The following NELL1 variants were observed in gnomAD, a reference collection of about 807,000 sequenced individuals.
The protein encoded by NELL1 is neural EGFL like 1, also known as protein kinase C-binding protein NELL1.
NELL1 carries 76 observed loss-of-function variants against 107.4 expected under a neutral mutation model. That is an observed-to-expected ratio of 0.71 (90% CI 0.59 to 0.86). The LOEUF is 0.86. Ranked by LOEUF, NELL1 falls within the 40% of genes least tolerant of loss-of-function variation. The probability of loss-of-function intolerance (pLI) is 0.00; values close to 1 mark genes in which losing one functional copy is unlikely to be tolerated. For synonymous variants in NELL1, 353 were observed against 341.2 expected (o/e 1.03, Z -0.38); for missense variants, 1,024 against 1,005.5 (o/e 1.02, Z -0.25).
At chr11:20,964,159 C>T (rs188998407) in intron 12 of NELL1, among the ~76,000 whole-genome samples, 3 of 152,202 alleles carry the variant, frequency 2.0e-5, no homozygotes, top group Admixed American at 1.3e-4. Flanking sequence ...GGAATCTTGT[C>T]GGCTGAGGCT....
intron 13 of NELL1, among the ~76,000 whole-genome samples, chr11:21,226,453 TG>T (rs779320760): frequency 6.6e-6 from 1 of 152,238 alleles, no homozygotes; most frequent in Non-Finnish European, 1.5e-5. Flanking sequence ...ACCAGTTCTA[TG>T]ATCTTAGGAA....
In NELL1 at chr11:21,117,267, CAT is replaced by C. The variant is rs556886372; in HGVS notation, c.1426+3556_1426+3557del. The stretch of plus-strand genomic sequence containing the variant: ...CCTGATTTTAGTTCTCTGAGTAATA[CAT>C]ATTATTATCTGGAATTTTCTTATGT... On this transcript the variant is annotated intron_variant, in intron 13 of 19. Transcript: ENST00000357134. Among the ~76,000 whole-genome samples the C allele has an allele frequency of 2.9e-3, 437 of 152,058 alleles. 4 individuals carry two copies. The highest frequency in any genetic ancestry group is 3.1e-3 in the Non-Finnish European group (209 of 67,942).
intron 3 of NELL1, among the ~76,000 whole-genome samples, chr11:20,790,333 G>C (rs1857048942): frequency 6.6e-6 from 1 of 152,346 alleles, no homozygotes; most frequent in East Asian, 1.9e-4. Flanking sequence ...AGGTGGCAGA[G>C]GGCTGGTGTG....
At chr11:21,092,440 T>C (rs1165205748) in intron 12 of NELL1, among the ~76,000 whole-genome samples, 1 of 152,196 alleles carries the variant, frequency 6.6e-6, no homozygotes, top group African/African-American at 2.4e-5. Flanking sequence ...CATGAGGTTC[T>C]AGTGAGAATT....
At chr11:21,497,302 A>G (rs1381077676) in intron 15 of NELL1, among the ~76,000 whole-genome samples, 2 of 152,146 alleles carry the variant, frequency 1.3e-5, no homozygotes, top group Admixed American at 6.5e-5. Context: ...AACTTGAAGT[A>G]TAGTTACAAA....
At chr11:20,750,669 C>T (rs1856112503) in intron 2 of NELL1, among the ~76,000 whole-genome samples, 1 of 152,072 alleles carries the variant, frequency 6.6e-6, no homozygotes, top group Non-Finnish European at 1.5e-5. Flanking sequence ...TCACTGTACC[C>T]TTGAATTCTT....
chr11:21,121,275 T>C (rs1383733880), intron 13 of NELL1, among the ~76,000 whole-genome samples: 3 of 152,054 alleles, frequency 2.0e-5, no homozygotes, highest in Admixed American at 2.0e-4. Context: ...GAACTGGTGG[T>C]GAGAAATGTG....
At chr11:21,174,760 C>T (rs1389854039) in intron 13 of NELL1, among the ~76,000 whole-genome samples, 2 of 151,692 alleles carry the variant, frequency 1.3e-5, no homozygotes, top group African/African-American at 4.9e-5. Flanking sequence ...CTCAGATTAG[C>T]TATAATATGG....
chr11:21,303,418 T>A (rs1251890806), intron 14 of NELL1, among the ~76,000 whole-genome samples: 1 of 151,922 alleles, frequency 6.6e-6, no homozygotes, highest in Non-Finnish European at 1.5e-5. Context: ...ATAACCACAA[T>A]GAGATATTAT....
At chr11:21,155,128 A>C (rs1856204133) in intron 13 of NELL1, among the ~76,000 whole-genome samples, 1 of 152,184 alleles carries the variant, frequency 6.6e-6, no homozygotes, top group South Asian at 2.1e-4. Context: ...TTGGGAGCAT[A>C]TGTGTGAAAA....
At chr11:21,375,098 C>T (rs1035150682) in intron 15 of NELL1, among the ~76,000 whole-genome samples, 1 of 151,944 alleles carries the variant, frequency 6.6e-6, no homozygotes, top group Non-Finnish European at 1.5e-5. Context: ...GGTTTCTCAC[C>T]TGTGTATACT....
At position 21,261,190 on chromosome 11, in the gene NELL1, CT is replaced by C. The variant is rs557275008; in HGVS notation, c.1549+31748del. On this transcript the variant is annotated intron_variant, in intron 14 of 19. Transcript: ENST00000357134. ...TTGGGTGAAAATAAAATGAAATGGC[CT>C]TTTTTTTTTTTACTTTTATTTCAAG... 2.4e-3 allele frequency among the ~76,000 whole-genome samples: 345 copies of C among 141,432 alleles called. 1 individual carries two copies. Among genetic ancestry groups the C allele is most frequent in the East Asian group, 7.9e-3 (38 of 4,840 alleles). 92.8% of individuals were successfully genotyped at this position (141,432 alleles called of 152,430 possible).
Position 21,320,402 on chromosome 11 carries a change from G to A in NELL1, c.1550-50451G>A, listed in dbSNP as rs1050438235. On this transcript the variant is annotated intron_variant, in intron 14 of 19. Coordinates refer to ENST00000357134, the MANE Select transcript of NELL1 (RefSeq NM_006157.5). ...CATAACATTGTGCATTTACATCACC[G>A]TGATAGAGAGGCACTAACAGCTGCA... 7.2e-5 allele frequency among the ~76,000 whole-genome samples: 11 copies of A among 152,242 alleles called. No individual in the cohort carries two copies. In the East Asian group the frequency reaches 7.7e-4, roughly 11 times the overall value.
At chr11:21,511,359 G>T (rs558050747) in intron 15 of NELL1, among the ~76,000 whole-genome samples, 1 of 152,206 alleles carries the variant, frequency 6.6e-6, no homozygotes, top group African/African-American at 2.4e-5. Flanking sequence ...ATTTGCCTCA[G>T]CAAGGGGTAA....
At chr11:21,425,990 G>A (rs1489528582) in intron 15 of NELL1, among the ~76,000 whole-genome samples, 3 of 152,138 alleles carry the variant, frequency 2.0e-5, no homozygotes. Context: ...AAATATGCTG[G>A]CTTTTAGGGA....
chr11:21,108,192 G>A (rs1390218807), intron 12 of NELL1, among the ~76,000 whole-genome samples: 2 of 152,086 alleles, frequency 1.3e-5, no homozygotes, highest in African/African-American at 4.8e-5. Flanking sequence ...AATGTTTATG[G>A]AAGAAGTCTG....
chr11:21,190,973 T>C (rs978143179), intron 13 of NELL1, among the ~76,000 whole-genome samples: 1 of 151,754 alleles, frequency 6.6e-6, no homozygotes, highest in Non-Finnish European at 1.5e-5. Context: ...GTTGGGCATA[T>C]TGCAAGGTGG....
intron 17 of NELL1, among the ~76,000 whole-genome samples, chr11:21,567,968 T>C (rs1158066607): frequency 6.6e-6 from 1 of 151,820 alleles, no homozygotes; most frequent in African/African-American, 2.4e-5. Context: ...TTAAGCTCAA[T>C]ATTAGCCAAC....
intron 12 of NELL1, among the ~76,000 whole-genome samples, chr11:21,092,767 C>CT: frequency 6.6e-6 from 1 of 152,164 alleles, no homozygotes; most frequent in Middle Eastern, 3.2e-3. Flanking sequence ...TCAAAGTCTA[C>CT]TTATCTATGG....
Sources: allele counts gnomAD v4.1 joint callset (sites outside exome capture counted in the v4.1 genomes callset), GRCh38; gene constraint gnomAD v4.1.1; transcripts MANE v1.5; gene names NCBI Gene and HGNC (gene_info 2026-07-23, HGNC 2026-07-21).